The following LOXL3 variants were observed in gnomAD, a reference collection of about 807,000 sequenced individuals.
LOXL3 encodes the protein lysyl oxidase like 3, also known as lysyl oxidase homolog 3.
A neutral mutation model predicts 91.8 loss-of-function variants in LOXL3; 60 were observed. The observed-to-expected ratio is 0.65, with a 90% CI of 0.53 to 0.81. The LOEUF is 0.81. Ranked by LOEUF, LOXL3 falls within the 30% of genes least tolerant of loss-of-function variation. LOXL3 has a pLI of 0.00. For missense variants in LOXL3, 874 were observed against 1,000.4 expected (o/e 0.87, Z 1.70); for synonymous variants, 355 against 387.6 (o/e 0.92, Z 0.99).
chr2:74,533,696 C>T lies in LOXL3; in HGVS notation c.2189-17G>A, dbSNP rs1216736334. 4 of 1,612,966 alleles carry T rather than the reference C, an allele frequency of 2.5e-6. No homozygotes were observed. Among genetic ancestry groups the T allele is most frequent in the Admixed American group, 3.3e-5 (2 of 59,958 alleles). Reference sequence around the variant, plus strand: ...AGGCATCACCTGCAGAGTGGACAGGCAATTTGGGAGGCGCCCTGCACAGAG... The same window carrying T: ...AGGCATCACCTGCAGAGTGGACAGGTAATTTGGGAGGCGCCCTGCACAGAG... On this transcript the variant is annotated splice_polypyrimidine_tract_variant and intron_variant, in intron 13 of 13. Coordinates refer to ENST00000264094, the MANE Select transcript of LOXL3 (RefSeq NM_032603.5).
Position 74,549,640 on chromosome 2 carries a change from G to A in LOXL3, c.478-57C>T, listed in dbSNP as rs1676866217. Reference sequence around the variant, plus strand: ...CCCAGTGGCACCTTTCATGTGTCCCGCCGCCCTTAAGGAACCCTGCTTGGT... The same window carrying A: ...CCCAGTGGCACCTTTCATGTGTCCCACCGCCCTTAAGGAACCCTGCTTGGT... On this transcript the variant is annotated intron_variant, in intron 3 of 13. Coordinates refer to ENST00000264094, the MANE Select transcript of LOXL3 (RefSeq NM_032603.5). This position sits in a 1 kb window ranked among gnomAD's most constrained non-coding sequence, Gnocchi z 5.3. The A allele has an allele frequency of 1.0e-5, 16 of 1,540,406 alleles. No homozygotes were observed. The South Asian group carries it at 1.6e-4, about 15-fold the overall frequency.
chr2:74,555,664 G>C (rs1266228269), upstream of LOXL3: 2 of 1,613,968 alleles, frequency 1.2e-6, no homozygotes, highest in Non-Finnish European at 1.7e-6. The surrounding 1 kb of genome is among the most constrained non-coding windows in gnomAD (Gnocchi z 6.1). Context: ...GCCCTACCTG[G>C]GAAGGTAGAC....
Position 74,552,512 on chromosome 2 carries a change from C to A in LOXL3, c.123G>T (p.Gly41=), listed in dbSNP as rs763243931. 2.4e-5 allele frequency: 39 copies of A among 1,613,428 alleles called. No individual in the cohort carries two copies. The highest frequency in any genetic ancestry group is 3.3e-5 in the Non-Finnish European group (39 of 1,179,916). ...GGAAGCCAGCCAGCCGGAACCGAAG[C>A]CCCTGGCTCCCGGCCTTCTTCTCAG... The part of the protein sequence containing the change: ...TGPEKKAGSQ[G]LRFRLAGFPR... The change falls in exon 2 of 14, where the codon GGG becomes GGT. Residue 41 remains glycine (G), a synonymous_variant. Transcript: ENST00000264094.
intron 4 of LOXL3, chr2:74,539,655 C>T (rs1676208463): frequency 6.6e-6 from 1 of 152,510 alleles, no homozygotes; most frequent in Non-Finnish European, 1.5e-5. Context: ...CCTTCACCTC[C>T]CTGCAGGAAA....
intron 4 of LOXL3, among the ~76,000 whole-genome samples, chr2:74,544,069 C>T (rs1434216525): frequency 3.3e-5 from 5 of 151,796 alleles, no homozygotes; most frequent in African/African-American, 7.3e-5. Flanking sequence ...TTTGGGAGGC[C>T]GAGGTAGGCG....
upstream of LOXL3, chr2:74,554,387 C>CGG: frequency 3.7e-6 from 1 of 273,758 alleles, no homozygotes; most frequent in South Asian, 4.6e-5. This position sits in a 1 kb window ranked among gnomAD's most constrained non-coding sequence, Gnocchi z 4.9. Flanking sequence ...GTGTGGGTCT[C>CGG]TCCGGTGCCC....
In LOXL3 at chr2:74,535,996, C is replaced by T; in HGVS notation, c.1248G>A (p.Arg416=). ...CNLPYTGAET[R]IRLSGGRSQH... is the part of the protein sequence containing the mutation. The stretch of plus-strand genomic sequence containing the variant: ...AACCAAGGTAGAGAGGATGACTGAC[C>T]CTGGTCTCTGCCCCAGTGTAAGGTA... The change falls in exon 7 of 14, where the codon AGG becomes AGA. Residue 416 remains arginine (R), a splice_region_variant and synonymous_variant. Transcript: ENST00000264094. The surrounding 1 kb of genome is among the most constrained non-coding windows in gnomAD (Gnocchi z 4.2). The T allele has an allele frequency of 6.4e-7, 1 of 1,567,846 alleles. No homozygotes were observed. Among genetic ancestry groups the T allele is most frequent in the Non-Finnish European group, 8.6e-7 (1 of 1,159,506 alleles).
intron 13 of LOXL3, 31 bp downstream of exon 13, chr2:74,533,851 A>T: frequency 2.6e-6 from 4 of 1,567,390 alleles, no homozygotes; most frequent in Non-Finnish European, 3.5e-6. Flanking sequence ...CCATCCCCTA[A>T]TCTTCCTGGG....
Position 74,550,423 on chromosome 2 carries a change from G to A in LOXL3, c.314-75C>T, listed in dbSNP as rs530120656. The A allele has an allele frequency of 8.7e-5, 132 of 1,510,902 alleles. 1 individual carries two copies. In the South Asian group the frequency reaches 1.6e-3, roughly 18 times the overall value. The allele number at this position is 1,510,902 out of a possible 1,614,324, so 93.6% of individuals were successfully genotyped here. A position where few individuals can be genotyped will look rare whatever the true frequency, so the allele number is the denominator to read the frequency against. ...GGGAGTAATGGGGATGTAGGGAAGA[G>A]TGAGTGCTGAGGCCTCCCACTTGGC... On this transcript the variant is annotated intron_variant, in intron 2 of 13. Transcript: ENST00000264094.
upstream of LOXL3, chr2:74,554,028 G>A (rs549983859): frequency 6.7e-6 from 1 of 149,962 alleles, no homozygotes; most frequent in African/African-American, 2.5e-5. This position sits in a 1 kb window ranked among gnomAD's most constrained non-coding sequence, Gnocchi z 4.9. Context: ...ATCCCCCTGA[G>A]CCCTCCCACA....
chr2:74,555,450 T>G, upstream of LOXL3: 2 of 1,609,196 alleles, frequency 1.2e-6, no homozygotes, highest in Non-Finnish European at 1.7e-6. This position sits in a 1 kb window ranked among gnomAD's most constrained non-coding sequence, Gnocchi z 6.1. Flanking sequence ...GAAACGCCTT[T>G]CCGGTGAGGA....
upstream of LOXL3, chr2:74,554,493 C>A: frequency 3.6e-6 from 2 of 551,634 alleles, no homozygotes; most frequent in Non-Finnish European, 6.4e-6. The surrounding 1 kb of genome is among the most constrained non-coding windows in gnomAD (Gnocchi z 4.9). Flanking sequence ...CCAGGGCCCT[C>A]GCGCCAAAAC....
At chr2:74,537,386 G>C (rs1258007065) in intron 4 of LOXL3, among the ~76,000 whole-genome samples, 1 of 152,200 alleles carries the variant, frequency 6.6e-6, no homozygotes, top group East Asian at 1.9e-4. Flanking sequence ...TGGAATAACT[G>C]AATGAGTCAG....
At chr2:74,548,790 A>C (rs985906104) in intron 4 of LOXL3, among the ~76,000 whole-genome samples, 1 of 151,996 alleles carries the variant, frequency 6.6e-6, no homozygotes, top group Non-Finnish European at 1.5e-5. Flanking sequence ...GGGCCTCGCC[A>C]AAAGAGATCC....
At chr2:74,543,784 C>G (rs1208588472) in intron 4 of LOXL3, among the ~76,000 whole-genome samples, 2 of 150,764 alleles carry the variant, frequency 1.3e-5, no homozygotes, top group African/African-American at 4.9e-5. Flanking sequence ...GCCCGTAATC[C>G]CAGCTACTCG....
At chr2:74,554,764 G>T, upstream of LOXL3, 1 of 1,613,892 alleles carries the variant, frequency 6.2e-7, no homozygotes, top group Non-Finnish European at 8.5e-7. This position sits in a 1 kb window ranked among gnomAD's most constrained non-coding sequence, Gnocchi z 4.9. Context: ...CATGGACGGA[G>T]CAGTGATGGA....
At chr2:74,554,746 C>G, upstream of LOXL3, 1 of 1,613,016 alleles carries the variant, frequency 6.2e-7, no homozygotes, top group Non-Finnish European at 8.5e-7. The surrounding 1 kb of genome is among the most constrained non-coding windows in gnomAD (Gnocchi z 4.9). Flanking sequence ...GAAGGAACCG[C>G]CGGGGGCCAT....
At position 74,552,870 on chromosome 2, in the gene LOXL3, A is replaced by G; in HGVS notation, c.-12-224T>C. ...TAGAGGCACAGCCTGAGAGACCCAG[A>G]GATAAGAGACAACTATGAGAGATCG... On this transcript the variant is annotated intron_variant, in intron 1 of 13. Transcript: ENST00000264094. The G allele has an allele frequency of 2.3e-5, 12 of 516,884 alleles. No homozygotes were observed. In the South Asian group the frequency reaches 3.3e-4, roughly 14 times the overall value. 32.0% of individuals were successfully genotyped at this position (516,884 alleles called of 1,614,324 possible). A position where few individuals can be genotyped will look rare whatever the true frequency, so the allele number is the denominator to read the frequency against.
upstream of LOXL3, chr2:74,555,213 C>T: frequency 6.2e-7 from 1 of 1,613,590 alleles, no homozygotes; most frequent in South Asian, 1.1e-5. This position sits in a 1 kb window ranked among gnomAD's most constrained non-coding sequence, Gnocchi z 6.1. Flanking sequence ...TAGCGCGGCT[C>T]GAGTTCTTTG....
Sources: allele counts gnomAD v4.1 joint callset (sites outside exome capture counted in the v4.1 genomes callset), GRCh38; gene constraint gnomAD v4.1.1; non-coding constraint Gnocchi (gnomAD v3.1); transcripts MANE v1.5; gene names NCBI Gene and HGNC (gene_info 2026-07-23, HGNC 2026-07-21).